Variants in NPDC1 observed in about 807,000 individuals in gnomAD.
NPDC1 encodes neural proliferation differentiation and control protein 1.
NPDC1 carries 18 observed loss-of-function variants against 32.5 expected under a neutral mutation model. That is an observed-to-expected ratio of 0.55 (90% CI 0.38 to 0.82). The LOEUF (loss-of-function observed/expected upper bound fraction) is 0.82. Ranked by LOEUF, NPDC1 falls within the 40% of genes least tolerant of loss-of-function variation. The pLI is 0.00. For missense variants in NPDC1, 468 were observed against 406.6 expected (o/e 1.15, Z -1.30); for synonymous variants, 210 against 184.7 (o/e 1.14, Z -1.11).
chr9:137,041,125 G>A lies in NPDC1; in HGVS notation c.322C>T (p.Arg108Trp), dbSNP rs150997508. 4.8e-5 allele frequency: 72 copies of A among 1,515,222 alleles called. No homozygotes were observed. The East Asian group carries it at 4.9e-4, about 10-fold the overall frequency. The allele number at this position is 1,515,222 out of a possible 1,614,324, so 93.9% of individuals were successfully genotyped here. A position where few individuals can be genotyped will look rare whatever the true frequency, so the allele number is the denominator to read the frequency against. ...EIDFLAQELARKESGHSTPPL... is the reference protein window; with the variant it reads ...EIDFLAQELAWKESGHSTPPL... ...GGAGTTGAGTGTCCAGACTCCTTCC[G>A]GGCAAGCTCCTGGGCCAGGAAGTCA... The change falls in exon 3 of 9, where the codon CGG becomes TGG. Residue 108 changes from arginine (R) to tryptophan (W), a missense_variant. By Grantham distance (101) the Arg-to-Trp change is moderately radical. Transcript: ENST00000371601.
chr9:137,040,248 G>A (rs1832025543), intron 7 of NPDC1, 109 bp downstream of exon 7: 1 of 1,046,602 alleles, frequency 9.6e-7, no homozygotes, highest in African/African-American at 1.6e-5. Context: ...GCGTGCAGGT[G>A]AGGGTGGCAG....
At chr9:137,040,639 C>T (rs778394170) in intron 5 of NPDC1, 32 bp downstream of exon 5, 1 of 1,562,502 alleles carries the variant, frequency 6.4e-7, no homozygotes, top group Non-Finnish European at 8.6e-7. Flanking sequence ...CGTGTGGCAC[C>T]CTCCCTGCCC....
At chr9:137,042,110 A>T (rs1223286493) in intron 2 of NPDC1, among the ~76,000 whole-genome samples, 1 of 152,302 alleles carries the variant, frequency 6.6e-6, no homozygotes, top group African/African-American at 2.4e-5. Context: ...TGACTGCCCC[A>T]GGCCTGGGCC....
rs762211758 is a variant in NPDC1, at chr9:137,040,830, G to T, written c.540C>A (p.Gly180=). The part of the protein sequence containing the change: ...MSPLEPRGGQ[G]DGLALVLILA... ...AAGACCTACCAAGGGCGAGGCCGTC[G>T]CCTTGCCCTCCCCGGGGCTCCAGGG... The change falls in exon 4 of 9, where the codon GGC becomes GGA. Residue 180 remains glycine (G), a synonymous_variant. Transcript: ENST00000371601. 1 of 1,595,208 alleles carries T rather than the reference G, an allele frequency of 6.3e-7. No individual in the cohort carries two copies. The highest frequency in any genetic ancestry group is 8.5e-7 in the Non-Finnish European group (1 of 1,174,930).
intron 2 of NPDC1, 200 bp downstream of exon 2, chr9:137,042,727 T>G: frequency 3.3e-6 from 2 of 599,404 alleles, no homozygotes; most frequent in Non-Finnish European, 5.8e-6. Context: ...ACCCGGCTAC[T>G]TTGTATTTTT....
intron 6 of NPDC1, 23 bp downstream of exon 6, chr9:137,040,491 C>G (rs748633511): frequency 6.3e-7 from 1 of 1,584,896 alleles, no homozygotes; most frequent in Non-Finnish European, 8.6e-7. Context: ...GCGGGAGCCT[C>G]AGGGCTGAAG....
At position 137,041,337 on chromosome 9, in the gene NPDC1, A is replaced by G. The variant is rs976163984; in HGVS notation, c.260-150T>C. ...CTCCCTCCCAGATTGCCATGGTGAC[A>G]GCGCGGGCGCTTCCTGTGAGGGGCA... On this transcript the variant is annotated intron_variant, in intron 2 of 8. Coordinates refer to ENST00000371601, the MANE Select transcript of NPDC1 (RefSeq NM_015392.4). 4.4e-6 allele frequency: 4 copies of G among 912,286 alleles called. No homozygotes were observed. The Admixed American group carries it at 1.2e-4, about 28-fold the overall frequency. 56.5% of individuals were successfully genotyped at this position (912,286 alleles called of 1,614,324 possible).
rs201807484 is a variant in NPDC1 at position 137,039,740 on chromosome 9, G to A, written c.*32C>T. On this transcript the variant is annotated 3_prime_UTR_variant, in exon 9 of 9. Coordinates refer to ENST00000371601, the MANE Select transcript of NPDC1 (RefSeq NM_015392.4). ...GCCCCTCCCCGGGGGCCTCGAGGTC[G>A]GGGAGCAGGTGGGCGTCTGTCTGCC... 4.1e-4 allele frequency: 301 copies of A among 730,620 alleles called. 2 individuals are homozygous for A. The highest frequency in any genetic ancestry group is 4.0e-3 in the Middle Eastern group (17 of 4,294). The allele number at this position is 730,620 out of a possible 1,614,324, so 45.3% of individuals were successfully genotyped here.
intron 1 of NPDC1, chr9:137,043,275 C>T (rs998285711): frequency 2.7e-6 from 2 of 729,288 alleles, no homozygotes; most frequent in African/African-American, 3.5e-5. Flanking sequence ...CTTATCAGAA[C>T]TACCCTGCCC....
intron 1 of NPDC1, among the ~76,000 whole-genome samples, chr9:137,045,026 C>T (rs1299439720): frequency 6.6e-6 from 1 of 152,256 alleles, no homozygotes; most frequent in Non-Finnish European, 1.5e-5. Flanking sequence ...CTCACAGCAC[C>T]TCTTCTGCAG....
At chr9:137,043,105 ACGGCCCCGCAGGGCT>A (rs1340483797) in intron 1 of NPDC1, 32 bp from the exon 2 acceptor site, 1 of 1,608,080 alleles carries the variant, frequency 6.2e-7, no homozygotes, top group Non-Finnish European at 8.5e-7. Flanking sequence ...GGGCCGGCTC[ACGGCCCCGCAGGGCT>A]CGGCCCCTGC....
At chr9:137,041,244 C>A in intron 2 of NPDC1, 57 bp from the exon 3 acceptor site, 3 of 1,347,476 alleles carry the variant, frequency 2.2e-6, no homozygotes, top group Non-Finnish European at 2.9e-6. Context: ...TAGCCCCAGG[C>A]CCGGCCTCCC....
intron 2 of NPDC1, 32 bp downstream of exon 2, chr9:137,042,895 C>G: frequency 6.4e-7 from 1 of 1,566,058 alleles, no homozygotes; most frequent in Non-Finnish European, 8.7e-7. Context: ...GCAGGGACAT[C>G]CCCCCATCGA....
intron 1 of NPDC1, among the ~76,000 whole-genome samples, chr9:137,045,303 T>C (rs1272448774): frequency 1.3e-5 from 2 of 152,274 alleles, no homozygotes; most frequent in Non-Finnish European, 2.9e-5. Context: ...TGCAACAGTC[T>C]CCCTCCTATT....
intron 2 of NPDC1, among the ~76,000 whole-genome samples, chr9:137,042,277 G>A (rs1170193576): frequency 2.0e-5 from 3 of 151,734 alleles, no homozygotes; most frequent in Non-Finnish European, 2.9e-5. Flanking sequence ...TTTTTGAGGC[G>A]GAGTCTCGCT....
chr9:137,043,168 C>T (rs1342518156), intron 1 of NPDC1, 95 bp from the exon 2 acceptor site: 2 of 1,420,320 alleles, frequency 1.4e-6, no homozygotes, highest in African/African-American at 1.4e-5. Flanking sequence ...CCCCCGTCAC[C>T]CCCCGAGCTG....
chr9:137,044,589 C>T (rs1016115312), intron 1 of NPDC1, among the ~76,000 whole-genome samples: 1 of 152,204 alleles, frequency 6.6e-6, no homozygotes, highest in African/African-American at 2.4e-5. Flanking sequence ...GGCTGGCACA[C>T]CCCCCTCCAC....
In NPDC1 at chr9:137,040,936, G is replaced by A. The variant is rs1029233419; in HGVS notation, c.434C>T (p.Pro145Leu). The A allele has an allele frequency of 3.8e-6, 6 of 1,560,002 alleles. No homozygotes were observed. The highest frequency in any genetic ancestry group is 2.3e-5 in the East Asian group (1 of 44,234). Reference protein sequence around the residue: ...ARGQGLELGLPSTPGTPTPTP... With the variant: ...ARGQGLELGLLSTPGTPTPTP... Reference sequence around the variant, plus strand: ...GGGCGTGGGGGTTCCTGGAGTGGAGGGGAGGCCCAGCTCCAGCCCCTGCCC... The same window carrying A: ...GGGCGTGGGGGTTCCTGGAGTGGAGAGGAGGCCCAGCTCCAGCCCCTGCCC... The change falls in exon 4 of 9, where the codon CCC becomes CTC. Residue 145 changes from proline to leucine, a missense_variant. Coordinates refer to ENST00000371601, the MANE Select transcript of NPDC1 (RefSeq NM_015392.4).
chr9:137,045,367 G>A (rs1449625008), intron 1 of NPDC1, among the ~76,000 whole-genome samples: 2 of 152,254 alleles, frequency 1.3e-5, no homozygotes, highest in Non-Finnish European at 1.5e-5. Context: ...GAACTTCAGC[G>A]CCCACCATGG....
Sources: gnomAD v4.1 joint callset for allele counts (sites outside exome capture counted in the v4.1 genomes callset) on GRCh38, gnomAD v4.1.1 for gene constraint, MANE v1.5 for transcripts, NCBI Gene and HGNC (gene_info 2026-07-23, HGNC 2026-07-21) for gene names.